The following CPVL variants were observed in gnomAD, a reference collection of about 807,000 sequenced individuals.
The protein encoded by CPVL is probable serine carboxypeptidase CPVL.
Under a neutral mutation model 63.7 loss-of-function variants are expected in CPVL, and 51 were observed. That is an observed-to-expected ratio of 0.80 (90% CI 0.64 to 1.01). CPVL has a LOEUF of 1.01. CPVL is among the 50% of genes least tolerant of loss of function. The pLI is 0.00. For synonymous variants in CPVL, 195 were observed against 206.0 expected (o/e 0.95, Z 0.46); for missense variants, 530 against 573.1 (o/e 0.92, Z 0.77).
intron 11 of CPVL, among the ~76,000 whole-genome samples, chr7:29,055,629 A>T (rs1562744351): frequency 1.3e-5 from 2 of 152,118 alleles, no homozygotes; most frequent in Non-Finnish European, 2.9e-5. Context: ...GGCCCTCCAC[A>T]TGTCCCAGCC....
intron 5 of CPVL, among the ~76,000 whole-genome samples, chr7:29,157,910 A>G (rs1794638402): frequency 6.6e-6 from 1 of 152,064 alleles, no homozygotes. Context: ...CAGTCCTTTC[A>G]TTTTACTCTT....
chr7:29,095,160 AG>A lies in CPVL; in HGVS notation c.404-19del, dbSNP rs1562766652. 5.6e-6 allele frequency: 9 copies of A among 1,610,680 alleles called. No individual in the cohort carries two copies. Among genetic ancestry groups the A allele is most frequent in the Non-Finnish European group, 5.9e-6 (7 of 1,176,986 alleles). On this transcript the variant is annotated intron_variant, in intron 4 of 12. Coordinates refer to ENST00000265394, the MANE Select transcript of CPVL (RefSeq NM_031311.5). ...GTCACGCACTGTGAAAACAAAGAAG[AG>A]GGGTGAGATAGAGTCGTGGACAAGC...
At chr7:29,106,524 T>C (rs1195335874) in intron 3 of CPVL, among the ~76,000 whole-genome samples, 2 of 151,664 alleles carry the variant, frequency 1.3e-5, no homozygotes, top group Non-Finnish European at 2.9e-5. Context: ...AGGCAGGACA[T>C]AGGCACAGAA....
intron 5 of CPVL, among the ~76,000 whole-genome samples, chr7:29,165,332 T>C (rs1795773368): frequency 1.3e-5 from 2 of 152,344 alleles, no homozygotes; most frequent in Middle Eastern, 6.8e-3. Flanking sequence ...GATTGATCTT[T>C]ACTACTGTAT....
chr7:29,037,421 T>C (rs1479398570), intron 11 of CPVL, among the ~76,000 whole-genome samples: 1 of 148,974 alleles, frequency 6.7e-6, no homozygotes, highest in Non-Finnish European at 1.5e-5. Flanking sequence ...GGCATGGTGG[T>C]GGGCGCCTGT....
At chr7:29,101,045 G>A (rs184386431) in intron 3 of CPVL, among the ~76,000 whole-genome samples, 9 of 152,286 alleles carry the variant, frequency 5.9e-5, no homozygotes, top group Admixed American at 5.9e-4. Context: ...ATGGCATGAG[G>A]TTATTATGTG....
intron 12 of CPVL, among the ~76,000 whole-genome samples, chr7:29,028,824 G>T (rs1046654631): frequency 7.9e-5 from 12 of 152,034 alleles, no homozygotes; most frequent in Non-Finnish European, 1.6e-4. Context: ...ACTTAGCCGG[G>T]TGTGGTGGCA....
At chr7:29,035,284 C>A (rs543798150) in intron 11 of CPVL, among the ~76,000 whole-genome samples, 1 of 152,174 alleles carries the variant, frequency 6.6e-6, no homozygotes, top group Non-Finnish European at 1.5e-5. Flanking sequence ...TGTGAGGCAA[C>A]AGAATGAGTC....
intron 11 of CPVL, 43 bp downstream of exon 11, chr7:29,064,018 A>G (rs1782903485): frequency 1.4e-6 from 2 of 1,393,672 alleles, no homozygotes; most frequent in East Asian, 4.6e-5. Context: ...TGCTCTGGGT[A>G]ATCTGAAAGT....
Position 29,096,229 on chromosome 7 carries a change from A to G in CPVL, c.289-12T>C. The G allele has an allele frequency of 6.3e-7, 1 of 1,590,946 alleles. No homozygotes were observed. Among genetic ancestry groups the G allele is most frequent in the South Asian group, 1.1e-5 (1 of 90,616 alleles). ...TCTTCTGGCTGTATCTAGAGGAAAC[A>G]GTAAAACCAGTGACCACACAGAACA... is the stretch of plus-strand genomic sequence containing the variant. On this transcript the variant is annotated splice_polypyrimidine_tract_variant and intron_variant, in intron 3 of 12. Transcript: ENST00000265394.
intron 11 of CPVL, among the ~76,000 whole-genome samples, chr7:29,046,336 G>A (rs1045544502): frequency 6.6e-6 from 1 of 151,942 alleles, no homozygotes; most frequent in Non-Finnish European, 1.5e-5. Flanking sequence ...TGCCAGCCTC[G>A]GACTCCCAAA....
intron 5 of CPVL, among the ~76,000 whole-genome samples, chr7:29,156,573 A>G (rs1562798658): frequency 6.6e-6 from 1 of 152,206 alleles, no homozygotes; most frequent in Non-Finnish European, 1.5e-5. Context: ...GAACTCAGCT[A>G]AGGCATCCCC....
chr7:29,013,395 G>C (rs1259363327), intron 12 of CPVL: 1 of 152,132 alleles, frequency 6.6e-6, no homozygotes, highest in Non-Finnish European at 1.5e-5. Context: ...ATTATTCCAT[G>C]ATAAATAACT....
intron 12 of CPVL, among the ~76,000 whole-genome samples, chr7:28,999,566 C>T (rs1562715617): frequency 6.6e-6 from 1 of 152,196 alleles, no homozygotes. Context: ...GGTATTTACT[C>T]ACGCACATGC....
chr7:29,101,010 T>C lies in CPVL; in HGVS notation c.289-4793A>G, dbSNP rs1458195753. On this transcript the variant is annotated intron_variant, in intron 3 of 12. Transcript: ENST00000265394. ...TGGCATCAAATGTCATGATATGCAG[T>C]ATAATATTAATTATGTCCACAGTAA... Among the ~76,000 whole-genome samples the C allele has an allele frequency of 2.0e-5, 3 of 152,362 alleles. No individual in the cohort carries two copies. The East Asian group carries it at 5.8e-4, about 29-fold the overall frequency.
In CPVL at chr7:29,188,057, CA is replaced by C. The variant is rs939459591; in HGVS notation, c.-447-1511del. On this transcript the variant is annotated intron_variant, in intron 1 of 16. Coordinates refer to the CPVL transcript ENST00000409850. ...ATATACTCGCATAGAGGTGATGTAACAGGGGGGTGGTAGGGAGAGATGAAAA... is the reference window on the plus strand; with the variant it reads ...ATATACTCGCATAGAGGTGATGTAACGGGGGGTGGTAGGGAGAGATGAAAA... Among the ~76,000 whole-genome samples, 8 of 152,116 alleles carry C rather than the reference CA, an allele frequency of 5.3e-5. 1 individual carries two copies. Among genetic ancestry groups the C allele is most frequent in the African/African-American group, 1.9e-4 (8 of 41,422 alleles).
intron 1 of CPVL, chr7:29,195,032 C>A: frequency 6.4e-7 from 1 of 1,569,522 alleles, no homozygotes. Context: ...CGCCGGGTCT[C>A]GCCCCACTGC....
intron 3 of CPVL, among the ~76,000 whole-genome samples, chr7:29,099,148 A>T (rs1436506149): frequency 6.6e-6 from 1 of 152,222 alleles, no homozygotes; most frequent in South Asian, 2.1e-4. Context: ...TGCTGGGAGG[A>T]TTAAATGAAT....
chr7:29,054,889 T>G (rs1198966981), intron 11 of CPVL, among the ~76,000 whole-genome samples: 2 of 152,230 alleles, frequency 1.3e-5, no homozygotes, highest in Non-Finnish European at 2.9e-5. Context: ...ATCTACTCTT[T>G]AACCCATGCA....
Sources: gnomAD v4.1 joint callset for allele counts (sites outside exome capture counted in the v4.1 genomes callset) on GRCh38, gnomAD v4.1.1 for gene constraint, MANE v1.5 for transcripts, NCBI Gene and HGNC (gene_info 2026-07-23, HGNC 2026-07-21) for gene names.